Variants in HACE1 observed in about 807,000 individuals in gnomAD.
HACE1 encodes HECT domain and ankyrin repeat containing E3 ubiquitin protein ligase 1.
Under a neutral mutation model 118.4 loss-of-function variants are expected in HACE1, and 73 were observed. That is an observed-to-expected ratio of 0.62 (90% CI 0.51 to 0.75). HACE1 has a LOEUF of 0.75. HACE1 is among the 30% of genes least tolerant of loss of function. The pLI is 0.00. For missense variants in HACE1, 749 were observed against 1,102.2 expected, an observed-to-expected ratio of 0.68 and a Z score of 4.54; for synonymous variants, 368 against 374.8, an observed-to-expected ratio of 0.98 and a Z score of 0.21.
At chr6:104,856,848 C>T (rs1195477203) in intron 1 of HACE1, among the ~76,000 whole-genome samples, 3 of 152,148 alleles carry the variant, frequency 2.0e-5, no homozygotes, top group African/African-American at 7.2e-5. Context: ...GACTCAACTA[C>T]CTGCACTCCA....
At chr6:104,731,095 G>A (rs1000153745) in intron 22 of HACE1, 2 of 152,398 alleles carry the variant, frequency 1.3e-5, no homozygotes, top group African/African-American at 4.8e-5. Flanking sequence ...GTACATGGCT[G>A]TAGAGGATGT....
chr6:104,765,468 A>G (rs546811578), intron 19 of HACE1, among the ~76,000 whole-genome samples: 5 of 152,340 alleles, frequency 3.3e-5, no homozygotes, highest in African/African-American at 1.2e-4. Context: ...TGAGGCAACA[A>G]CAACAAAATA....
chr6:104,811,523 C>T (rs190664011), intron 6 of HACE1, 130 bp from the exon 7 acceptor site: 44 of 596,476 alleles, frequency 7.4e-5, no homozygotes, highest in African/African-American at 6.4e-4. Flanking sequence ...TGAGTGGGCA[C>T]GTGACAATTA....
chr6:104,783,008 T>C (rs1781904689), intron 14 of HACE1, among the ~76,000 whole-genome samples: 1 of 152,190 alleles, frequency 6.6e-6, no homozygotes, highest in Non-Finnish European at 1.5e-5. Flanking sequence ...AAGAAAATTC[T>C]TCAATCTGGA....
chr6:104,768,459 TAAC>T (rs2114691690), intron 19 of HACE1, among the ~76,000 whole-genome samples: 1 of 152,274 alleles, frequency 6.6e-6, no homozygotes, highest in South Asian at 2.1e-4. Context: ...CTGAATATCT[TAAC>T]AATTTTAAGC....
intron 11 of HACE1, 74 bp from the exon 12 acceptor site, chr6:104,785,393 C>T (rs761788230): frequency 3.5e-5 from 29 of 830,792 alleles, no homozygotes; most frequent in Non-Finnish European, 5.7e-5. Context: ...CAAAACACAA[C>T]TAGACAAATA....
chr6:104,791,594 A>T lies in HACE1; in HGVS notation c.984T>A (p.Cys328Ter), dbSNP rs764357653. 3 of 1,611,510 alleles carry T rather than the reference A, an allele frequency of 1.9e-6. No homozygotes were observed. Among genetic ancestry groups the T allele is most frequent in the Non-Finnish European group, 2.5e-6 (3 of 1,177,632 alleles). ...KSLLRIVRMF[C>*]HVFRIGPSSP... ...AGGATGGACCAATTCGAAAGACGTG[A>T]CAAAACATTCTCACAATCCTTAAAA... The change falls in exon 11 of 24, where the codon TGT (cysteine) becomes TGA (stop). Residue 328 changes from cysteine to a stop codon, truncating the protein, a stop_gained. Coordinates refer to ENST00000262903, the MANE Select transcript of HACE1 (RefSeq NM_020771.4). LOFTEE classifies it high-confidence loss of function.
chr6:104,761,290 T>C (rs536095064), intron 19 of HACE1, among the ~76,000 whole-genome samples: 1 of 152,290 alleles, frequency 6.6e-6, no homozygotes, highest in Admixed American at 6.5e-5. Context: ...GCTACCAGAC[T>C]TCAAACTATA....
intron 5 of HACE1, among the ~76,000 whole-genome samples, chr6:104,839,265 T>C (rs1045753924): frequency 6.6e-5 from 10 of 152,144 alleles, no homozygotes; most frequent in African/African-American, 2.2e-4. Flanking sequence ...AAACCAGAAG[T>C]GAACCAAATG....
intron 20 of HACE1, among the ~76,000 whole-genome samples, chr6:104,749,133 A>C (rs1777762284): frequency 6.6e-6 from 1 of 152,178 alleles, no homozygotes; most frequent in African/African-American, 2.4e-5. Context: ...TTACATACAT[A>C]TAGGTCCAGC....
At chr6:104,752,520 C>T (rs1228759329) in intron 19 of HACE1, among the ~76,000 whole-genome samples, 2 of 151,706 alleles carry the variant, frequency 1.3e-5, no homozygotes. Context: ...CTATTCTTCC[C>T]TAAAGAGACT....
In HACE1 at chr6:104,772,043, A is replaced by G. The variant is rs376269563; in HGVS notation, c.1896T>C (p.Tyr632=). The change falls in exon 18 of 24, where the codon TAT becomes TAC. Residue 632 remains tyrosine, a synonymous_variant. Coordinates refer to ENST00000262903, the MANE Select transcript of HACE1 (RefSeq NM_020771.4). ...GTTFQPNSNS[Y]VNPDHLNYFR... is the part of the protein sequence containing the mutation. Reference sequence around the variant, plus strand: ...AATAGTTCAAGTGATCAGGATTTACATAAGAGTTGCTATTAGGCTGAAAAG... The same window carrying G: ...AATAGTTCAAGTGATCAGGATTTACGTAAGAGTTGCTATTAGGCTGAAAAG... 3.9e-5 allele frequency: 62 copies of G among 1,605,710 alleles called. No individual in the cohort carries two copies. The African/African-American group carries it at 6.7e-4, about 17-fold the overall frequency.
intron 6 of HACE1, among the ~76,000 whole-genome samples, chr6:104,824,086 C>A (rs1363329640): frequency 6.6e-6 from 1 of 152,150 alleles, no homozygotes; most frequent in East Asian, 1.9e-4. Context: ...TAACACTTAT[C>A]CAACCCATCC....
At chr6:104,784,943 T>C (rs1323874143) in intron 12 of HACE1, 42 bp downstream of exon 12, 3 of 1,196,074 alleles carry the variant, frequency 2.5e-6, no homozygotes, top group Admixed American at 3.5e-5. Flanking sequence ...CTTTTCATCA[T>C]CTATCAGAGA....
chr6:104,821,136 G>A (rs1357623479), intron 6 of HACE1, among the ~76,000 whole-genome samples: 2 of 152,128 alleles, frequency 1.3e-5, no homozygotes. Flanking sequence ...GGAGCTCAGT[G>A]ATGAGAACAC....
intron 5 of HACE1, among the ~76,000 whole-genome samples, chr6:104,835,459 G>A (rs1369775777): frequency 6.6e-6 from 1 of 152,010 alleles, no homozygotes; most frequent in Non-Finnish European, 1.5e-5. Context: ...AAAACTCTTG[G>A]AAATTAATAC....
intron 2 of HACE1, 71 bp from the exon 3 acceptor site, chr6:104,851,067 A>T (rs1776154097): frequency 1.2e-6 from 1 of 840,750 alleles, no homozygotes; most frequent in East Asian, 2.4e-5. Context: ...CAAGTTAACA[A>T]CTCTTTAGCT....
intron 19 of HACE1, among the ~76,000 whole-genome samples, chr6:104,760,481 A>C (rs1007173630): frequency 2.0e-5 from 3 of 152,232 alleles, no homozygotes; most frequent in African/African-American, 7.2e-5. Context: ...AAGGCCTTTG[A>C]CAAAATTCAA....
At chr6:104,848,184 G>A (rs187569306) in intron 4 of HACE1, among the ~76,000 whole-genome samples, 5 of 151,262 alleles carry the variant, frequency 3.3e-5, no homozygotes, top group East Asian at 4.0e-4. Flanking sequence ...GGCCGGGTGC[G>A]GTGGCTCACG....
Sources: allele counts gnomAD v4.1 joint callset (sites outside exome capture counted in the v4.1 genomes callset), GRCh38; gene constraint gnomAD v4.1.1; transcripts MANE v1.5; gene names NCBI Gene and HGNC (gene_info 2026-07-23, HGNC 2026-07-21).